Variants in STARD13 observed in about 807,000 individuals in gnomAD.
STARD13 encodes the protein stAR-related lipid transfer protein 13.
In STARD13, 62 loss-of-function variants were observed where a neutral mutation model predicts 106.4. The observed-to-expected ratio is 0.58, with a 90% CI of 0.48 to 0.72. The LOEUF (loss-of-function observed/expected upper bound fraction) is 0.72. Ranked by LOEUF, STARD13 falls within the 30% of genes least tolerant of loss-of-function variation. The probability of loss-of-function intolerance (pLI) is 0.00; values close to 1 mark genes in which losing one functional copy is unlikely to be tolerated. For missense variants in STARD13, 1,387 were observed against 1,424.0 expected (o/e 0.97, Z 0.42); for synonymous variants, 565 against 553.0 (o/e 1.02, Z -0.31).
chr13:33,546,699 G>A, the STARD13 span, among the ~76,000 whole-genome samples: 1 of 151,098 alleles, frequency 6.6e-6, no homozygotes, highest in Non-Finnish European at 1.5e-5. Context: ...GCTGCAGTGC[G>A]GTGGCTCAGT....
upstream of STARD13, among the ~76,000 whole-genome samples, chr13:33,290,613 T>C (rs781031657): frequency 1.3e-5 from 2 of 152,240 alleles, no homozygotes; most frequent in Non-Finnish European, 2.9e-5. Context: ...CACTTGTAAG[T>C]GGTAATAGAT....
At chr13:33,519,913 C>T in the STARD13 span, 53 of 151,988 alleles carry the variant, frequency 3.5e-4, no homozygotes, top group African/African-American at 1.3e-3. Flanking sequence ...TATTTGCAGG[C>T]CGACTTGTTC....
At chr13:33,182,799 C>G (rs1166276077) in intron 1 of STARD13, among the ~76,000 whole-genome samples, 1 of 152,198 alleles carries the variant, frequency 6.6e-6, no homozygotes, top group East Asian at 1.9e-4. Flanking sequence ...TTCCTTGAAT[C>G]TCTAACGTGA....
the STARD13 span, among the ~76,000 whole-genome samples, chr13:33,378,311 C>T: frequency 5.8e-4 from 88 of 152,272 alleles, 1 homozygote; most frequent in Middle Eastern, 0.01. Context: ...CCCAAACATA[C>T]CAAATGCTTT....
At chr13:33,645,042 G>A in the STARD13 span, among the ~76,000 whole-genome samples, 2 of 152,166 alleles carry the variant, frequency 1.3e-5, no homozygotes, top group African/African-American at 4.8e-5. Flanking sequence ...TCCAAAGATG[G>A]AAGCAGGAGT....
intron 4 of STARD13, among the ~76,000 whole-genome samples, chr13:33,135,813 A>T (rs370833555): frequency 1.3e-5 from 2 of 152,224 alleles, no homozygotes; most frequent in African/African-American, 4.8e-5. Context: ...AACAAAGAAG[A>T]AACTTGTTGT....
At chr13:33,537,730 G>C in the STARD13 span, among the ~76,000 whole-genome samples, 1 of 152,176 alleles carries the variant, frequency 6.6e-6, no homozygotes, top group South Asian at 2.1e-4. Flanking sequence ...GAAAAGAAAA[G>C]ATGTATTTCT....
In STARD13 at chr13:33,129,793, G is replaced by A. The variant is rs770629598; in HGVS notation, c.884C>T (p.Pro295Leu). ...GCACTGCATAGCCTTAAAGGACTCT[G>A]GCTCCTGCTGCAACATGGGCCCACT... ...VISGPMLQQE[P>L]ESFKAMQCIQ... The change falls in exon 5 of 14, where the codon CCA becomes CTA. Residue 295 changes from proline to leucine, a missense_variant. Transcript: ENST00000336934. 190 of 1,613,696 alleles carry A rather than the reference G, an allele frequency of 1.2e-4. No individual in the cohort carries two copies. Among genetic ancestry groups the A allele is most frequent in the Non-Finnish European group, 1.6e-4 (185 of 1,180,046 alleles).
At chr13:33,337,614 T>C (rs1031130491) in intron 1 of STARD13, among the ~76,000 whole-genome samples, 1 of 152,188 alleles carries the variant, frequency 6.6e-6, no homozygotes, top group Non-Finnish European at 1.5e-5. Flanking sequence ...TTTTGGGGGT[T>C]CACCTTCCCC....
the STARD13 span, among the ~76,000 whole-genome samples, chr13:33,525,250 T>G: frequency 6.6e-6 from 1 of 152,092 alleles, no homozygotes; most frequent in Non-Finnish European, 1.5e-5. Flanking sequence ...CTTGAACTCC[T>G]GGGCTCAAGT....
At position 33,105,162 on chromosome 13, in the gene STARD13, AC is replaced by A. The variant is rs1202907192; in HGVS notation, c.*430del. The A allele has an allele frequency of 6.3e-6, 1 of 158,314 alleles. No individual in the cohort carries two copies. The highest frequency in any genetic ancestry group is 2.4e-5 in the African/African-American group (1 of 41,522). The allele number at this position is 158,314 out of a possible 1,614,324, so 9.8% of individuals were successfully genotyped here. ...GAGGAAGGGACTCACTGAGTCAGAC[AC>A]CGTCATTTTCAAAACACACAATTCT... On this transcript the variant is annotated 3_prime_UTR_variant, in exon 14 of 14. Coordinates refer to ENST00000336934, the MANE Select transcript of STARD13 (RefSeq NM_178006.4).
At chr13:33,206,083 G>A in intron 1 of STARD13, 1 of 924,420 alleles carries the variant, frequency 1.1e-6, no homozygotes. Flanking sequence ...CCAGCTCTAA[G>A]AGAAAAAAAC....
chr13:33,545,444 C>T, the STARD13 span, among the ~76,000 whole-genome samples: 2 of 152,200 alleles, frequency 1.3e-5, no homozygotes, highest in East Asian at 3.9e-4. Flanking sequence ...GTAATAAATT[C>T]ACTAATGAAG....
chr13:33,629,624 A>G, the STARD13 span, among the ~76,000 whole-genome samples: 1 of 152,258 alleles, frequency 6.6e-6, no homozygotes, highest in East Asian at 1.9e-4. Context: ...ATTAAGTAAG[A>G]GATAAATGTG....
the STARD13 span, among the ~76,000 whole-genome samples, chr13:33,382,797 T>G: frequency 6.6e-6 from 1 of 152,238 alleles, no homozygotes; most frequent in Non-Finnish European, 1.5e-5. Context: ...ATAAATGCTC[T>G]TCCACCGATA....
In STARD13 at chr13:33,127,487, G is replaced by A; in HGVS notation, c.1808C>T (p.Pro603Leu). The A allele has an allele frequency of 4.4e-6, 7 of 1,593,088 alleles. No individual in the cohort carries two copies. The South Asian group carries it at 7.8e-5, about 18-fold the overall frequency. The change falls in exon 6 of 14, where the codon CCC becomes CTC. Residue 603 changes from proline to leucine, a missense_variant. Coordinates refer to ENST00000336934, the MANE Select transcript of STARD13 (RefSeq NM_178006.4). Reference protein sequence around the residue: ...SHQPRPAPASPHISSQTASQL... With the variant: ...SHQPRPAPASLHISSQTASQL... The stretch of plus-strand genomic sequence containing the variant: ...GCTGGCCGTCTGGCTGCTGATGTGG[G>A]GCGATGCTGGGGCCGGCCGGGGCTG...
chr13:33,341,604 A>G (rs898935058), intron 1 of STARD13, among the ~76,000 whole-genome samples: 21 of 151,844 alleles, frequency 1.4e-4, no homozygotes, highest in African/African-American at 3.9e-4. Flanking sequence ...AAAAAAAAAA[A>G]AAGAAGAAGA....
At chr13:33,182,592 T>TA (rs142260609) in intron 1 of STARD13, among the ~76,000 whole-genome samples, 2,903 of 150,124 alleles carry the variant, frequency 0.019, 102 homozygotes, top group African/African-American at 0.067. Flanking sequence ...GCTGATGAGC[T>TA]AAAAAAAAAA....
intron 8 of STARD13, among the ~76,000 whole-genome samples, chr13:33,115,710 C>T (rs1288928103): frequency 6.6e-6 from 1 of 152,150 alleles, no homozygotes; most frequent in Non-Finnish European, 1.5e-5. Context: ...ACCACTTCTG[C>T]CTGAGGGCCA....
Sources: gnomAD v4.1 joint callset for allele counts (sites outside exome capture counted in the v4.1 genomes callset) on GRCh38, gnomAD v4.1.1 for gene constraint, MANE v1.5 for transcripts, NCBI Gene and HGNC (gene_info 2026-07-23, HGNC 2026-07-21) for gene names.